Variants in PPIH observed in about 807,000 individuals in gnomAD.
The protein encoded by PPIH is peptidyl-prolyl cis-trans isomerase H.
A neutral mutation model predicts 27.6 loss-of-function variants in PPIH; 16 were observed. The observed-to-expected ratio is 0.58, with a 90% CI of 0.39 to 0.88. The LOEUF (loss-of-function observed/expected upper bound fraction) is 0.88, where lower values mean the gene tolerates loss of function less well. Ranked by LOEUF, PPIH falls within the 40% of genes least tolerant of loss-of-function variation. PPIH has a pLI of 0.00. For synonymous variants in PPIH, 63 were observed against 76.1 expected (o/e 0.83, Z 0.90); for missense variants, 155 against 224.1 (o/e 0.69, Z 1.97).
rs564301493 is a variant in PPIH, at chr1:42,667,973, A to G, written c.*21+533A>G. ...GACTCATTTCTTACCCGTAATTACC[A>G]CTGCCTGCTCTGCGCTGGGCAGCAT... On this transcript the variant is annotated intron_variant, in intron 9 of 9. Transcript: ENST00000304979. Among the ~76,000 whole-genome samples, 6 of 152,310 alleles carry G rather than the reference A, an allele frequency of 3.9e-5. 1 individual carries two copies. The highest frequency in any genetic ancestry group is 1.4e-4 in the African/African-American group (6 of 41,566).
At chr1:42,677,617 C>G (rs961490315), downstream of PPIH, among the ~76,000 whole-genome samples, 8 of 152,186 alleles carry the variant, frequency 5.3e-5, no homozygotes, top group African/African-American at 1.9e-4. Context: ...TCAAGACCTG[C>G]CTGGGCAACA....
At chr1:42,659,431 T>C (rs1163378017) in intron 3 of PPIH, 91 bp from the exon 4 acceptor site, 4 of 1,614,066 alleles carry the variant, frequency 2.5e-6, no homozygotes, top group South Asian at 2.2e-5. Flanking sequence ...CAACCATCTT[T>C]AGGAGAGTCC....
chr1:42,663,490 G>A (rs542952494), intron 5 of PPIH, among the ~76,000 whole-genome samples: 9 of 152,014 alleles, frequency 5.9e-5, no homozygotes, highest in South Asian at 4.2e-4. Context: ...TCCACCTCCC[G>A]GGTGGGTTCA....
At chr1:42,676,036 A>C (rs1355188191) in intron 9 of PPIH, among the ~76,000 whole-genome samples, 1 of 152,180 alleles carries the variant, frequency 6.6e-6, no homozygotes, top group East Asian at 1.9e-4. Flanking sequence ...AGTATGCTTG[A>C]CCATAAATGT....
intron 9 of PPIH, among the ~76,000 whole-genome samples, chr1:42,675,607 A>G (rs1182130636): frequency 2.6e-5 from 4 of 152,302 alleles, no homozygotes; most frequent in African/African-American, 9.6e-5. Flanking sequence ...CCACAGTTAA[A>G]CTTCAGTCTG....
At chr1:42,678,440 C>T (rs967976580), downstream of PPIH, among the ~76,000 whole-genome samples, 1 of 152,228 alleles carries the variant, frequency 6.6e-6, no homozygotes, top group Non-Finnish European at 1.5e-5. Flanking sequence ...CACTCTGTCG[C>T]CCAGGCTGCA....
intron 9 of PPIH, among the ~76,000 whole-genome samples, chr1:42,672,639 T>A (rs1412714021): frequency 2.6e-5 from 4 of 152,124 alleles, no homozygotes; most frequent in Admixed American, 2.0e-4. Context: ...GAAAATGAAG[T>A]TTTGTGTACA....
chr1:42,668,836 A>G (rs1012246199), intron 9 of PPIH, among the ~76,000 whole-genome samples: 14 of 152,192 alleles, frequency 9.2e-5, no homozygotes, highest in African/African-American at 3.4e-4. Context: ...AAATGAAATC[A>G]TACTATATTT....
chr1:42,659,515 G>A lies in PPIH; in HGVS notation c.156-7G>A, dbSNP rs781380157. The A allele has an allele frequency of 6.2e-7, 1 of 1,614,176 alleles. No homozygotes were observed. Among genetic ancestry groups the A allele is most frequent in the South Asian group, 1.1e-5 (1 of 91,082 alleles). On this transcript the variant is annotated splice_polypyrimidine_tract_variant and splice_region_variant and intron_variant, in intron 3 of 9. Coordinates refer to ENST00000304979, the MANE Select transcript of PPIH (RefSeq NM_006347.4). ...GTCACTCCAAGTCTCTTTCTTTTCG[G>A]TTATAGGAAAGATGGGGTTCCAATA...
intron 9 of PPIH, among the ~76,000 whole-genome samples, chr1:42,671,871 GTATT>G (rs1203885058): frequency 6.8e-6 from 1 of 146,914 alleles, no homozygotes; most frequent in African/African-American, 2.5e-5. Context: ...CTATTGGGCA[GTATT>G]TCTTTCTTTC....
rs757402995 is a variant in PPIH at position 42,660,891 on chromosome 1, G to C, written c.230G>C (p.Gly77Ala). The change falls in exon 5 of 10, where the codon GGA becomes GCA. Residue 77 changes from glycine to alanine, a missense_variant. Gly to Ala is a moderately conservative substitution (Grantham distance 60, BLOSUM62 0). This residue lies in a region of PPIH where 96 missense variants were observed against 175.3 expected (regional missense o/e 0.55). Transcript: ENST00000304979. ...ATAAAGGATTTCATGATTCAGGGTGGAGATTTTGTTAATGTAAGTACTATT... is the reference window on the plus strand; with the variant it reads ...ATAAAGGATTTCATGATTCAGGGTGCAGATTTTGTTAATGTAAGTACTATT... ...RVIKDFMIQG[G>A]DFVNGDGTGV... 6.2e-7 allele frequency: 1 copy of C among 1,610,866 alleles called. No homozygotes were observed. Among genetic ancestry groups the C allele is most frequent in the Non-Finnish European group, 8.5e-7 (1 of 1,177,742 alleles).
intron 9 of PPIH, among the ~76,000 whole-genome samples, chr1:42,673,194 A>G (rs1416508250): frequency 6.6e-6 from 1 of 152,104 alleles, no homozygotes; most frequent in Admixed American, 6.6e-5. Flanking sequence ...CATGTTGTCC[A>G]GGCCGGTCTC....
downstream of PPIH, among the ~76,000 whole-genome samples, chr1:42,677,396 T>C (rs749804712): frequency 1.6e-4 from 25 of 152,072 alleles, no homozygotes; most frequent in Non-Finnish European, 3.2e-4. Flanking sequence ...CGCTTGAACC[T>C]GGGAGGTGGA....
At chr1:42,668,874 A>G (rs971126494) in intron 9 of PPIH, among the ~76,000 whole-genome samples, 2 of 152,154 alleles carry the variant, frequency 1.3e-5, no homozygotes, top group Non-Finnish European at 2.9e-5. Flanking sequence ...ATGTCTTGAA[A>G]ACTTTTCCTT....
chr1:42,666,039 T>C lies in PPIH; in HGVS notation c.396T>C (p.Asp132=), dbSNP rs1401017974. ...TCTTTATCACCTGCTCTAAGTGCGA[T>C]TGGCTGGATGGGAAGCATGTGGTGT... is the stretch of plus-strand genomic sequence containing the variant. The part of the protein sequence containing the change: ...CQFFITCSKC[D]WLDGKHVVFG... The change falls in exon 7 of 10, where the codon GAT becomes GAC. Residue 132 remains aspartate (D), a synonymous_variant. Transcript: ENST00000304979. 14 of 1,614,082 alleles carry C rather than the reference T, an allele frequency of 8.7e-6. No homozygotes were observed. Among genetic ancestry groups the C allele is most frequent in the Non-Finnish European group, 1.1e-5 (13 of 1,180,040 alleles).
At chr1:42,679,956 C>G (rs576231358), downstream of PPIH, among the ~76,000 whole-genome samples, 49 of 152,344 alleles carry the variant, frequency 3.2e-4, no homozygotes, top group South Asian at 9.7e-3. Flanking sequence ...ATGTTCTACA[C>G]CATGTCGCTC....
intron 8 of PPIH, 28 bp from the exon 9 acceptor site, chr1:42,667,323 T>C: frequency 6.4e-7 from 1 of 1,558,092 alleles, no homozygotes; most frequent in Non-Finnish European, 8.9e-7. Flanking sequence ...CCTGAGTGGA[T>C]GAATCTCCAT....
intron 9 of PPIH, 51 bp downstream of exon 9, chr1:42,667,491 A>G (rs1649406274): frequency 6.9e-7 from 1 of 1,445,640 alleles, no homozygotes; most frequent in South Asian, 1.2e-5. Flanking sequence ...CAGAGAAGGC[A>G]GCATGGTCTA....
downstream of PPIH, among the ~76,000 whole-genome samples, chr1:42,677,823 T>A (rs1382823434): frequency 6.6e-6 from 1 of 152,226 alleles, no homozygotes; most frequent in Admixed American, 6.5e-5. Context: ...AGACCCCATC[T>A]ATTTTGAAGA....
Sources: allele counts gnomAD v4.1 joint callset (sites outside exome capture counted in the v4.1 genomes callset), GRCh38; gene constraint gnomAD v4.1.1; regional missense constraint gnomAD v4.1.1; transcripts MANE v1.5; gene names NCBI Gene and HGNC (gene_info 2026-07-23, HGNC 2026-07-21).